The following NCOA3 variants were observed in gnomAD, a reference collection of about 807,000 sequenced individuals.
NCOA3 encodes the protein nuclear receptor coactivator 3, also known as CBP-interacting protein.
Under a neutral mutation model 158.8 loss-of-function variants are expected in NCOA3, and 51 were observed. That is an observed-to-expected ratio of 0.32 (90% CI 0.26 to 0.41). NCOA3 has a LOEUF of 0.41. Ranked by LOEUF, NCOA3 falls within the 10% of genes least tolerant of loss-of-function variation. The probability of loss-of-function intolerance (pLI) is 1.00; values close to 1 mark genes in which losing one functional copy is unlikely to be tolerated. For synonymous variants in NCOA3, 537 were observed against 592.4 expected (o/e 0.91, Z 1.36); for missense variants, 1,510 against 1,746.6 (o/e 0.86, Z 2.41).
intron 19 of NCOA3, among the ~76,000 whole-genome samples, chr20:47,649,388 T>C (rs879851529): frequency 1.3e-5 from 2 of 152,236 alleles, no homozygotes; most frequent in Admixed American, 1.3e-4. Context: ...TGAGAACAGC[T>C]ATCACTTGGC....
rs1035587218 is a variant in NCOA3 at position 47,636,233 on chromosome 20, A to G, written c.1847A>G (p.Lys616Arg). Residue 616 changes from lysine to arginine, a missense_variant, in exon 12 of 23, where the codon AAA becomes AGA. By Grantham distance (26) the Lys-to-Arg change is conservative. Transcript: ENST00000371998. ...AATCAAAGGGGTCCTTTGGAAAGCA[A>G]AGGTCATAAAAAATTACTGCAGTTA... The part of the protein sequence containing the change: ...AENQRGPLES[K>R]GHKKLLQLLT... 3.7e-6 allele frequency: 6 copies of G among 1,614,188 alleles called. No homozygotes were observed. The highest frequency in any genetic ancestry group is 5.1e-6 in the Non-Finnish European group (6 of 1,180,038).
At chr20:47,578,185 TTTA>T (rs939182105) in intron 1 of NCOA3, among the ~76,000 whole-genome samples, 2 of 152,112 alleles carry the variant, frequency 1.3e-5, no homozygotes, top group African/African-American at 4.8e-5. Context: ...TTTATATAAC[TTTA>T]TTATTATTAT....
intron 2 of NCOA3, among the ~76,000 whole-genome samples, chr20:47,596,789 C>T (rs1362324658): frequency 6.6e-6 from 1 of 152,102 alleles, no homozygotes; most frequent in African/African-American, 2.4e-5. Flanking sequence ...ATGGGGATTT[C>T]AACATGTTGC....
In NCOA3 at chr20:47,652,364, G is replaced by A. The variant is rs192464173; in HGVS notation, c.3947-42G>A. ...CAGAAATCTGATATTCTAAGGAGAAGGCATTTGGGCATTTTTATTTCTTCT... is the reference window on the plus strand; with the variant it reads ...CAGAAATCTGATATTCTAAGGAGAAAGCATTTGGGCATTTTTATTTCTTCT... On this transcript the variant is annotated intron_variant, in intron 20 of 22. Coordinates refer to ENST00000371998, the MANE Select transcript of NCOA3 (RefSeq NM_181659.3). 5.3e-5 allele frequency: 82 copies of A among 1,536,530 alleles called. No individual in the cohort carries two copies. The African/African-American group carries it at 9.8e-4, about 18-fold the overall frequency.
intron 12 of NCOA3, among the ~76,000 whole-genome samples, chr20:47,636,994 C>T (rs1439282370): frequency 6.6e-6 from 1 of 151,640 alleles, no homozygotes; most frequent in Non-Finnish European, 1.5e-5. Context: ...GAAATTTTTT[C>T]ATGGAGGTGT....
At chr20:47,646,296 A>G in intron 17 of NCOA3, among the ~76,000 whole-genome samples, 1 of 152,206 alleles carries the variant, frequency 6.6e-6, no homozygotes, top group Admixed American at 6.5e-5. Context: ...AGGTACAGCT[A>G]CCGTTTCCTT....
chr20:47,528,030 A>G (rs1225826863), intron 1 of NCOA3, among the ~76,000 whole-genome samples: 1 of 152,122 alleles, frequency 6.6e-6, no homozygotes, highest in African/African-American at 2.4e-5. Context: ...CTCGATATCC[A>G]TCTTTTATTA....
intron 2 of NCOA3, among the ~76,000 whole-genome samples, chr20:47,613,739 C>T (rs1307943776): frequency 1.3e-5 from 2 of 151,664 alleles, no homozygotes; most frequent in Admixed American, 6.6e-5. Context: ...GGTGAAACCC[C>T]GTCTCTACTA....
intron 1 of NCOA3, among the ~76,000 whole-genome samples, chr20:47,576,961 A>G (rs1250045644): frequency 1.3e-5 from 2 of 152,188 alleles, no homozygotes; most frequent in Admixed American, 1.3e-4. Context: ...GGCTTGCTTG[A>G]ATGCCTGTTT....
intron 1 of NCOA3, among the ~76,000 whole-genome samples, chr20:47,520,933 G>C (rs2146080612): frequency 6.6e-6 from 1 of 152,324 alleles, no homozygotes; most frequent in Non-Finnish European, 1.5e-5. Context: ...ACTCTGTCCA[G>C]CAGTAGGACT....
chr20:47,562,246 G>A (rs941638691), intron 1 of NCOA3, among the ~76,000 whole-genome samples: 1 of 152,202 alleles, frequency 6.6e-6, no homozygotes, highest in Admixed American at 6.5e-5. Flanking sequence ...TAGGATGTAA[G>A]TTTTCAACTT....
intron 1 of NCOA3, among the ~76,000 whole-genome samples, chr20:47,531,445 T>C (rs988586216): frequency 3.3e-5 from 5 of 152,222 alleles, no homozygotes; most frequent in African/African-American, 9.6e-5. Context: ...GGGTTCAAAG[T>C]GATGAAACAG....
intron 2 of NCOA3, among the ~76,000 whole-genome samples, chr20:47,589,566 G>T (rs72645216): frequency 0.015 from 2,305 of 151,996 alleles, 174 homozygotes; most frequent in Admixed American, 0.12. Context: ...AGTAGTGACG[G>T]GGTTTTGCCA....
intron 16 of NCOA3, among the ~76,000 whole-genome samples, chr20:47,641,145 C>T (rs2086599447): frequency 6.6e-6 from 1 of 151,448 alleles, no homozygotes; most frequent in Non-Finnish European, 1.5e-5. Flanking sequence ...GTTAACAGAA[C>T]TTTTCTGAGG....
At chr20:47,643,383 G>T (rs1210920472) in intron 17 of NCOA3, among the ~76,000 whole-genome samples, 1 of 152,232 alleles carries the variant, frequency 6.6e-6, no homozygotes, top group Non-Finnish European at 1.5e-5. Flanking sequence ...GATGGGAAAC[G>T]CTGAGCAGTC....
chr20:47,536,579 C>T (rs2084637261), intron 1 of NCOA3, among the ~76,000 whole-genome samples: 1 of 152,130 alleles, frequency 6.6e-6, no homozygotes, highest in Non-Finnish European at 1.5e-5. Context: ...TGTTGTCATG[C>T]CTTTGTCATT....
At chr20:47,628,118 A>G in intron 8 of NCOA3, 95 bp downstream of exon 8, 3 of 803,594 alleles carry the variant, frequency 3.7e-6, no homozygotes, top group South Asian at 1.6e-5. Flanking sequence ...AATCTGTACT[A>G]TCATAGAAAT....
chr20:47,614,898 A>G (rs751558108), intron 2 of NCOA3, among the ~76,000 whole-genome samples: 1 of 152,208 alleles, frequency 6.6e-6, no homozygotes, highest in Non-Finnish European at 1.5e-5. Flanking sequence ...TATGGCTGTC[A>G]TAACCTCTCA....
chr20:47,639,467 A>G (rs1448363161), intron 14 of NCOA3, 110 bp from the exon 15 acceptor site: 2 of 1,409,636 alleles, frequency 1.4e-6, no homozygotes, highest in Non-Finnish European at 1.9e-6. Flanking sequence ...TTACCATGAC[A>G]AAGTGCTGTT....
Sources: gnomAD v4.1 joint callset for allele counts (sites outside exome capture counted in the v4.1 genomes callset) on GRCh38, gnomAD v4.1.1 for gene constraint, MANE v1.5 for transcripts, NCBI Gene and HGNC (gene_info 2026-07-23, HGNC 2026-07-21) for gene names.